Variants in ZBTB1 observed in about 807,000 individuals in gnomAD.
The protein encoded by ZBTB1 is zinc finger and BTB domain containing 1.
ZBTB1 carries 13 observed loss-of-function variants against 51.6 expected under a neutral mutation model. That is an observed-to-expected ratio of 0.25 (90% CI 0.16 to 0.40). ZBTB1 has a LOEUF of 0.40. ZBTB1 is among the 10% of genes least tolerant of loss of function. The pLI, the probability that ZBTB1 is intolerant of heterozygous loss-of-function variation, is 1.00. For missense variants in ZBTB1, 567 were observed against 856.5 expected, an observed-to-expected ratio of 0.66 and a Z score of 4.22; for synonymous variants, 240 against 282.2, an observed-to-expected ratio of 0.85 and a Z score of 1.50.
chr14:64,532,028 A>C, exon 3 of ZBTB1: 1 of 1,103,850 alleles, frequency 9.1e-7, no homozygotes. Flanking sequence ...CCATCAACCC[A>C]AAAAGTTCCA....
At chr14:64,511,978 C>G (rs755104424) in intron 1 of ZBTB1, among the ~76,000 whole-genome samples, 10 of 152,190 alleles carry the variant, frequency 6.6e-5, no homozygotes, top group Admixed American at 4.6e-4. Flanking sequence ...GCCACTAAAA[C>G]TAAATGTGAC....
upstream of ZBTB1, among the ~76,000 whole-genome samples, chr14:64,504,330 G>T (rs1486090059): frequency 6.6e-6 from 1 of 151,688 alleles, no homozygotes; most frequent in East Asian, 2.0e-4. Context: ...CACTCGAGGC[G>T]GACCGCGAGT....
At chr14:64,510,967 A>C (rs1243717783) in intron 1 of ZBTB1, among the ~76,000 whole-genome samples, 1 of 152,162 alleles carries the variant, frequency 6.6e-6, no homozygotes, top group Non-Finnish European at 1.5e-5. Flanking sequence ...AGATTTGAGA[A>C]ATATTTAATG....
At chr14:64,509,239 G>A (rs975871287) in intron 1 of ZBTB1, among the ~76,000 whole-genome samples, 5 of 152,174 alleles carry the variant, frequency 3.3e-5, no homozygotes, top group East Asian at 1.9e-4. Context: ...GCGTGGTGCC[G>A]CATGCCTGTA....
At chr14:64,520,104 C>T (rs1350725970) in intron 1 of ZBTB1, among the ~76,000 whole-genome samples, 1 of 152,038 alleles carries the variant, frequency 6.6e-6, no homozygotes, top group East Asian at 1.9e-4. Flanking sequence ...CAGGTTCATG[C>T]CAGTCTCCCG....
downstream of ZBTB1, among the ~76,000 whole-genome samples, chr14:64,529,735 C>T (rs112057106): frequency 0.011 from 1,601 of 152,280 alleles, 24 homozygotes; most frequent in South Asian, 0.066. Context: ...TGTGTCACTG[C>T]ACTCCAGCCT....
In ZBTB1 at chr14:64,522,563, T is replaced by C. The variant is rs778413216; in HGVS notation, c.1059T>C (p.Asn353=). The part of the protein sequence containing the change: ...NIIKVTDKDC[N]ESTDNDELED... ...TTAAAGTTACTGATAAAGACTGTAA[T>C]GAATCCACTGACAATGATGAATTAG... Residue 353 remains asparagine, a synonymous_variant, in exon 2 of 2, where the codon AAT becomes AAC. Transcript: ENST00000683701. 8.1e-6 allele frequency: 13 copies of C among 1,613,788 alleles called. No individual in the cohort carries two copies. In the South Asian group the frequency reaches 1.4e-4, roughly 18 times the overall value.
chr14:64,516,232 G>A (rs944533087), intron 1 of ZBTB1, among the ~76,000 whole-genome samples: 3 of 151,972 alleles, frequency 2.0e-5, no homozygotes, highest in African/African-American at 4.8e-5. Context: ...TGCCAGCCTG[G>A]GTAACAGAGT....
At chr14:64,518,904 G>GTGTATATATATA (rs71444662) in intron 1 of ZBTB1, among the ~76,000 whole-genome samples, 3 of 95,120 alleles carry the variant, frequency 3.2e-5, no homozygotes, top group African/African-American at 8.9e-5. Flanking sequence ...TTGCAGAGAG[G>GTGTATATATATA]TATATATATA....
At chr14:64,505,037 A>C (rs1025860939) in intron 1 of ZBTB1, 91 bp downstream of exon 1, 3 of 378,720 alleles carry the variant, frequency 7.9e-6, no homozygotes, top group Non-Finnish European at 1.4e-5. Flanking sequence ...GCGGGGCCGG[A>C]GGGGCGCCGA....
At chr14:64,510,290 A>G (rs954159056) in intron 1 of ZBTB1, among the ~76,000 whole-genome samples, 3 of 152,192 alleles carry the variant, frequency 2.0e-5, no homozygotes, top group South Asian at 2.1e-4. Flanking sequence ...TGACTAAGCA[A>G]CCTTCTCAAG....
At chr14:64,508,352 A>G (rs1051180828) in intron 1 of ZBTB1, among the ~76,000 whole-genome samples, 3 of 152,188 alleles carry the variant, frequency 2.0e-5, no homozygotes, top group Admixed American at 6.5e-5. Flanking sequence ...GTATTAGAAG[A>G]GGCATGCTCT....
chr14:64,521,394 A>G (rs1363183395), intron 1 of ZBTB1, 93 bp from the exon 2 acceptor site: 1 of 628,788 alleles, frequency 1.6e-6, no homozygotes, highest in Non-Finnish European at 2.4e-6. Context: ...TGATTGTAAT[A>G]GCAGTCATGC....
chr14:64,529,058 A>G (rs1012934498), downstream of ZBTB1, among the ~76,000 whole-genome samples: 4 of 152,250 alleles, frequency 2.6e-5, no homozygotes, highest in African/African-American at 9.6e-5. Flanking sequence ...CCCAATTAAC[A>G]TGCTGAATAA....
chr14:64,515,549 C>T (rs1172076036), intron 1 of ZBTB1, among the ~76,000 whole-genome samples: 2 of 137,228 alleles, frequency 1.5e-5, no homozygotes, highest in African/African-American at 5.5e-5. Context: ...GAGATGGAGT[C>T]TTGCTCTGTC....
Position 64,522,859 on chromosome 14 carries a change from A to C in ZBTB1, c.1355A>C (p.Lys452Thr). The C allele has an allele frequency of 6.2e-7, 1 of 1,614,198 alleles. No individual in the cohort carries two copies. The highest frequency in any genetic ancestry group is 8.5e-7 in the Non-Finnish European group (1 of 1,180,020). ...ATTGAAAATATCTGTGCATGTGGTA[A>C]ATGTGGACAAATACTTGTAAAGGGT... ...KHIENICACG[K>T]CGQILVKGRQ... Residue 452 changes from lysine to threonine, a missense_variant, in exon 2 of 2, where the codon AAA becomes ACA. Around this residue, in one of 5 missense-constraint regions of ZBTB1, gnomAD observed 329 missense variants for 406.3 expected, o/e 0.81. Coordinates refer to ENST00000683701, the MANE Select transcript of ZBTB1 (RefSeq NM_001123329.2).
downstream of ZBTB1, among the ~76,000 whole-genome samples, chr14:64,527,521 G>A (rs1352535821): frequency 6.6e-6 from 1 of 152,122 alleles, no homozygotes; most frequent in Non-Finnish European, 1.5e-5. Context: ...TGAGGCAGGA[G>A]AATTGCTTGA....
downstream of ZBTB1, among the ~76,000 whole-genome samples, chr14:64,529,719 C>T (rs1339173494): frequency 6.6e-6 from 1 of 152,090 alleles, no homozygotes; most frequent in African/African-American, 2.4e-5. Flanking sequence ...TGCAGTGAGC[C>T]GTGGTTGTGT....
chr14:64,510,127 C>A (rs1332095377), intron 1 of ZBTB1, among the ~76,000 whole-genome samples: 1 of 152,146 alleles, frequency 6.6e-6, no homozygotes, highest in South Asian at 2.1e-4. Flanking sequence ...CCAAAGTCCT[C>A]GCCTTAAAGT....
Sources: gnomAD v4.1 joint callset for allele counts (sites outside exome capture counted in the v4.1 genomes callset) on GRCh38, gnomAD v4.1.1 for gene constraint, gnomAD v4.1.1 regional missense constraint, MANE v1.5 for transcripts, NCBI Gene and HGNC (gene_info 2026-07-23, HGNC 2026-07-21) for gene names.